LCLAT1: variants seen among roughly 807,000 people sequenced by gnomAD.
LCLAT1 encodes the protein lysocardiolipin acyltransferase 1.
In LCLAT1, 11 loss-of-function variants were observed where a neutral mutation model predicts 30.7. The observed-to-expected ratio is 0.36, with a 90% CI of 0.23 to 0.59. The LOEUF (loss-of-function observed/expected upper bound fraction) is 0.59. Among genes scored for constraint, LCLAT1 ranks in the 20% least tolerant of loss-of-function variants. The pLI, the probability that LCLAT1 is intolerant of heterozygous loss-of-function variation, is 0.77. For synonymous variants in LCLAT1, 155 were observed against 151.3 expected (o/e 1.02, Z -0.18); for missense variants, 402 against 458.6 (o/e 0.88, Z 1.13).
Position 30,568,151 on chromosome 2 carries a change from T to G in LCLAT1, c.603T>G (p.Thr201=). The G allele has an allele frequency of 6.2e-7, 1 of 1,600,968 alleles. No homozygotes were observed. Among genetic ancestry groups the G allele is most frequent in the Non-Finnish European group, 8.5e-7 (1 of 1,172,994 alleles). ...TACATCCAAGAACTACAGGCTTTAC[T>G]TTTGTGGTAGACCGTCTAAGAGAAG... ...YVLHPRTTGF[T]FVVDRLREGK... is the part of the protein sequence containing the mutation. Residue 201 remains threonine (T), a synonymous_variant, in exon 5 of 6, where the codon ACT becomes ACG. Coordinates refer to ENST00000379509, the MANE Select transcript of LCLAT1 (RefSeq NM_001002257.3).
At chr2:30,514,319 C>T (rs1385284614) in intron 1 of LCLAT1, among the ~76,000 whole-genome samples, 1 of 152,146 alleles carries the variant, frequency 6.6e-6, no homozygotes, top group Non-Finnish European at 1.5e-5. Context: ...TATCACTTCC[C>T]CCAAGAAGTG....
intron 3 of LCLAT1, among the ~76,000 whole-genome samples, chr2:30,535,302 G>T (rs1161194636): frequency 1.3e-5 from 2 of 152,180 alleles, no homozygotes; most frequent in African/African-American, 4.8e-5. Context: ...ATTCCCTTCT[G>T]CCCTCCTGTC....
intron 1 of LCLAT1, among the ~76,000 whole-genome samples, chr2:30,497,832 CTG>C (rs752520281): frequency 4.6e-5 from 7 of 152,168 alleles, no homozygotes; most frequent in Non-Finnish European, 1.0e-4. Context: ...TAGTAGATAA[CTG>C]TCACTGTGAT....
chr2:30,609,194 C>A (rs918900059), intron 5 of LCLAT1, among the ~76,000 whole-genome samples: 3 of 151,990 alleles, frequency 2.0e-5, no homozygotes, highest in Non-Finnish European at 4.4e-5. Context: ...GAATTTTAGA[C>A]ATTGCAGGTA....
chr2:30,574,809 A>G (rs987833801), intron 5 of LCLAT1, among the ~76,000 whole-genome samples: 8 of 152,198 alleles, frequency 5.3e-5, no homozygotes. Context: ...CTATAGTAGT[A>G]AGTGGATCTA....
chr2:30,459,761 TCTTG>T (rs764661678), intron 1 of LCLAT1: 3 of 1,388,706 alleles, frequency 2.2e-6, no homozygotes, highest in Middle Eastern at 1.8e-4. Flanking sequence ...GAGGTTTTTG[TCTTG>T]CTTCATATAT....
At chr2:30,485,087 C>CCA (rs1683499714) in intron 1 of LCLAT1, among the ~76,000 whole-genome samples, 1 of 152,086 alleles carries the variant, frequency 6.6e-6, no homozygotes, top group South Asian at 2.1e-4. Flanking sequence ...TGTTAAGTCA[C>CCA]TTAGTGTGAT....
chr2:30,479,852 T>C (rs746867144), intron 1 of LCLAT1, among the ~76,000 whole-genome samples: 8 of 152,196 alleles, frequency 5.3e-5, no homozygotes, highest in Non-Finnish European at 1.2e-4. Context: ...TTGACTGGAT[T>C]GGGAGCCAGG....
chr2:30,510,691 T>C (rs1684899333), intron 1 of LCLAT1, among the ~76,000 whole-genome samples: 1 of 152,206 alleles, frequency 6.6e-6, no homozygotes, highest in Non-Finnish European at 1.5e-5. Flanking sequence ...CAACTCTTTT[T>C]GGCCCTTGTA....
chr2:30,534,360 C>T (rs899661347), intron 3 of LCLAT1, among the ~76,000 whole-genome samples: 7 of 152,008 alleles, frequency 4.6e-5, no homozygotes, highest in African/African-American at 1.7e-4. Flanking sequence ...TCACTGCAAG[C>T]TCCACCTCGC....
chr2:30,549,447 A>T (rs887071647), intron 3 of LCLAT1, among the ~76,000 whole-genome samples: 45 of 152,336 alleles, frequency 3.0e-4, no homozygotes, highest in Non-Finnish European at 3.5e-4. Flanking sequence ...ATTATCTAAA[A>T]GATATGCTTT....
In LCLAT1 at chr2:30,476,155, T is replaced by C. The variant is rs185759890; in HGVS notation, c.-5+28772T>C. ...GATGAAATAAAGTAGCTAACCTTTA[T>C]TGAAGATTTACTCTGTTCCTGGAGC... On this transcript the variant is annotated intron_variant, in intron 1 of 5. Transcript: ENST00000379509. Among the ~76,000 whole-genome samples the C allele has an allele frequency of 3.9e-5, 6 of 152,342 alleles. No individual in the cohort carries two copies. In the East Asian group the frequency reaches 1.2e-3, roughly 29 times the overall value.
At chr2:30,474,251 C>G (rs1050396584) in intron 1 of LCLAT1, among the ~76,000 whole-genome samples, 1 of 152,174 alleles carries the variant, frequency 6.6e-6, no homozygotes, top group Admixed American at 6.5e-5. Flanking sequence ...TGCTCCCTGA[C>G]AGGATAGAAT....
intron 1 of LCLAT1, among the ~76,000 whole-genome samples, chr2:30,452,248 C>G (rs1421457138): frequency 1.3e-5 from 2 of 151,852 alleles, no homozygotes; most frequent in African/African-American, 2.4e-5. Context: ...AAAAGAGGCT[C>G]TAGTGAGAAT....
At chr2:30,565,009 T>C (rs1411024122) in intron 4 of LCLAT1, among the ~76,000 whole-genome samples, 2 of 152,192 alleles carry the variant, frequency 1.3e-5, no homozygotes. Context: ...TTGGTCCATT[T>C]CTTTTGAGTC....
chr2:30,555,615 T>A (rs990925320), intron 3 of LCLAT1, among the ~76,000 whole-genome samples: 1 of 152,140 alleles, frequency 6.6e-6, no homozygotes, highest in Non-Finnish European at 1.5e-5. Flanking sequence ...GAAATTTAAA[T>A]GTAAACTAAA....
chr2:30,549,934 T>C (rs560006875), intron 3 of LCLAT1, among the ~76,000 whole-genome samples: 7 of 152,314 alleles, frequency 4.6e-5, no homozygotes, highest in Admixed American at 3.3e-4. Flanking sequence ...CAGGGACATA[T>C]TATGTAGCCA....
At chr2:30,638,863 T>TC in intron 5 of LCLAT1, among the ~76,000 whole-genome samples, 4 of 147,728 alleles carry the variant, frequency 2.7e-5, no homozygotes, top group South Asian at 2.1e-4. Flanking sequence ...GTCACATCCG[T>TC]TCTTCCTTGT....
At chr2:30,573,533 T>A (rs951703870) in intron 5 of LCLAT1, among the ~76,000 whole-genome samples, 1 of 152,166 alleles carries the variant, frequency 6.6e-6, no homozygotes, top group African/African-American at 2.4e-5. Context: ...CCTGTCTCCC[T>A]AGTTGTACCA....
Sources: allele counts gnomAD v4.1 joint callset (sites outside exome capture counted in the v4.1 genomes callset), GRCh38; gene constraint gnomAD v4.1.1; transcripts MANE v1.5; gene names NCBI Gene and HGNC (gene_info 2026-07-23, HGNC 2026-07-21).